Variants in GLG1 observed in about 807,000 individuals in gnomAD.
GLG1 encodes the protein golgi glycoprotein 1, also known as Golgi apparatus protein 1.
Under a neutral mutation model 160.5 loss-of-function variants are expected in GLG1, and 38 were observed. The observed-to-expected ratio is 0.24, with a 90% CI of 0.18 to 0.31. The LOEUF is 0.31. Among genes scored for constraint, GLG1 ranks in the 10% least tolerant of loss-of-function variants. The pLI is 1.00. For synonymous variants in GLG1, 644 were observed against 543.4 expected (o/e 1.19, Z -2.57); for missense variants, 1,373 against 1,505.2 (o/e 0.91, Z 1.45).
At chr16:74,459,644 A>AG in intron 23 of GLG1, 38 bp downstream of exon 23, 2 of 1,070,460 alleles carry the variant, frequency 1.9e-6, no homozygotes, top group South Asian at 2.8e-5. Flanking sequence ...AAAAAAAAAA[A>AG]AGAAATGAAG....
chr16:74,498,448 G>GTATATATCTATATATATATATATATATA (rs2016281892), intron 4 of GLG1, among the ~76,000 whole-genome samples: 1 of 24,038 alleles, frequency 4.2e-5, no homozygotes, highest in African/African-American at 1.4e-4. Flanking sequence ...AAAAAAAAAA[G>GTATATATCTATATATATATATATATATA]TATATATATA....
intron 1 of GLG1, among the ~76,000 whole-genome samples, chr16:74,604,395 C>T (rs750380417): frequency 2.0e-5 from 3 of 152,158 alleles, no homozygotes; most frequent in Admixed American, 6.6e-5. Flanking sequence ...CCATTTTATA[C>T]GGTATAAGGT....
At position 74,493,687 on chromosome 16, in the gene GLG1, A is replaced by T. The variant is rs370219507; in HGVS notation, c.1051-547T>A. 1.8e-4 allele frequency among the ~76,000 whole-genome samples: 27 copies of T among 152,340 alleles called. 1 individual carries two copies. Among genetic ancestry groups the T allele is most frequent in the East Asian group, 1.5e-3 (8 of 5,194 alleles). ...AAGATAGCAAAATTAATTATTTCAA[A>T]AGCCATCAACTATTCTTGCATTCAT... On this transcript the variant is annotated intron_variant, in intron 6 of 25. Transcript: ENST00000422840.
At chr16:74,539,300 T>C (rs1309173396) in intron 1 of GLG1, among the ~76,000 whole-genome samples, 1 of 151,728 alleles carries the variant, frequency 6.6e-6, no homozygotes, top group Admixed American at 6.6e-5. Flanking sequence ...TCAAATATTA[T>C]ATAGTTACTC....
intron 1 of GLG1, among the ~76,000 whole-genome samples, chr16:74,559,868 T>TA (rs2018458820): frequency 1.3e-5 from 2 of 152,338 alleles, no homozygotes; most frequent in Admixed American, 1.3e-4. Context: ...TTTATTATTT[T>TA]AAAAAATAAA....
chr16:74,579,558 C>A (rs573706135), intron 1 of GLG1, among the ~76,000 whole-genome samples: 10 of 151,414 alleles, frequency 6.6e-5, no homozygotes, highest in African/African-American at 2.4e-4. Context: ...CCCATCACTA[C>A]TAAAAATACA....
chr16:74,462,369 C>G, intron 21 of GLG1, 119 bp downstream of exon 21: 1 of 977,722 alleles, frequency 1.0e-6, no homozygotes, highest in Non-Finnish European at 1.6e-6. Context: ...CCCCCAGGTT[C>G]GGGAAGATAT....
At position 74,452,398 on chromosome 16, in the gene GLG1, A is replaced by G. The variant is rs1358145991; in HGVS notation, c.*769T>C. The G allele has an allele frequency of 2.0e-5, 24 of 1,225,470 alleles. No individual in the cohort carries two copies. The East Asian group carries it at 9.0e-4, about 46-fold the overall frequency. The allele number at this position is 1,225,470 out of a possible 1,614,324, so 75.9% of individuals were successfully genotyped here. Reference sequence around the variant, plus strand: ...AGATGGATGGACTGTTCAACTTCACAAACTTCCGGTCCCTTCCCCTCCCCA... The same window carrying G: ...AGATGGATGGACTGTTCAACTTCACGAACTTCCGGTCCCTTCCCCTCCCCA... On this transcript the variant is annotated 3_prime_UTR_variant, in exon 26 of 26. Coordinates refer to ENST00000422840, the MANE Select transcript of GLG1 (RefSeq NM_001145667.2).
intron 1 of GLG1, among the ~76,000 whole-genome samples, chr16:74,581,909 C>CA (rs952421267): frequency 2.6e-5 from 4 of 151,990 alleles, no homozygotes; most frequent in Non-Finnish European, 4.4e-5. Flanking sequence ...GACTCCGTCT[C>CA]AAAAAAACAA....
intron 8 of GLG1, among the ~76,000 whole-genome samples, chr16:74,488,620 T>G (rs2015873502): frequency 6.6e-6 from 1 of 152,114 alleles, no homozygotes. Flanking sequence ...ATTTTAATGT[T>G]TTAATTTTTT....
chr16:74,493,212 G>A, intron 6 of GLG1, 72 bp from the exon 7 acceptor site: 1 of 957,524 alleles, frequency 1.0e-6, no homozygotes, highest in Non-Finnish European at 1.6e-6. Context: ...CCACTAAGAT[G>A]AGCACAGCGA....
At chr16:74,513,935 G>A (rs1345585083) in intron 2 of GLG1, among the ~76,000 whole-genome samples, 1 of 152,178 alleles carries the variant, frequency 6.6e-6, no homozygotes, top group African/African-American at 2.4e-5. Context: ...CCAGTGTAGA[G>A]AAGAGCTTAA....
At chr16:74,543,703 T>C (rs962258615) in intron 1 of GLG1, among the ~76,000 whole-genome samples, 6 of 152,122 alleles carry the variant, frequency 3.9e-5, no homozygotes, top group Non-Finnish European at 7.3e-5. Context: ...AAAGATGCAA[T>C]CTAAAAATTA....
At chr16:74,491,815 A>G (rs960663348) in intron 7 of GLG1, among the ~76,000 whole-genome samples, 3 of 150,772 alleles carry the variant, frequency 2.0e-5, no homozygotes, top group Non-Finnish European at 4.4e-5. Context: ...ATTTTTTTGT[A>G]TTTTCAGTAG....
At chr16:74,543,768 A>G (rs1427901161) in intron 1 of GLG1, among the ~76,000 whole-genome samples, 2 of 152,046 alleles carry the variant, frequency 1.3e-5, no homozygotes, top group Non-Finnish European at 2.9e-5. Context: ...TTCTGTTATG[A>G]AATTAACTGA....
At position 74,453,082 on chromosome 16, in the gene GLG1, A is replaced by C. The variant is rs137959821; in HGVS notation, c.*85T>G. ...CACGGGGTTGGTGTCACTTCTGAGAAGAGCGAGGTGAGTGGGGATGCTATA... is the reference window on the plus strand; with the variant it reads ...CACGGGGTTGGTGTCACTTCTGAGACGAGCGAGGTGAGTGGGGATGCTATA... On this transcript the variant is annotated 3_prime_UTR_variant, in exon 26 of 26. Transcript: ENST00000422840. The C allele has an allele frequency of 1.3e-6, 2 of 1,545,686 alleles. No homozygotes were observed. The highest frequency in any genetic ancestry group is 1.7e-6 in the Non-Finnish European group (2 of 1,146,528).
intron 23 of GLG1, 74 bp downstream of exon 23, chr16:74,459,608 A>G (rs2014703641): frequency 1.3e-6 from 1 of 770,850 alleles, no homozygotes; most frequent in Non-Finnish European, 2.2e-6. Flanking sequence ...AGGTAGGCAG[A>G]CTACAGCATT....
chr16:74,557,521 T>C (rs573646255), intron 1 of GLG1, among the ~76,000 whole-genome samples: 128 of 152,230 alleles, frequency 8.4e-4, no homozygotes, highest in Admixed American at 2.2e-3. Context: ...CAGATACTAG[T>C]AGGCCAAAAC....
At chr16:74,476,517 G>GC (rs2015395058) in intron 12 of GLG1, among the ~76,000 whole-genome samples, 1 of 152,122 alleles carries the variant, frequency 6.6e-6, no homozygotes, top group Non-Finnish European at 1.5e-5. Context: ...TTCCAGAGGG[G>GC]GTTTTGTAGT....
Sources: allele counts gnomAD v4.1 joint callset (sites outside exome capture counted in the v4.1 genomes callset), GRCh38; gene constraint gnomAD v4.1.1; transcripts MANE v1.5; gene names NCBI Gene and HGNC (gene_info 2026-07-23, HGNC 2026-07-21).